DCLRE1C: variants seen among roughly 807,000 people sequenced by gnomAD.
DCLRE1C encodes DNA cross-link repair 1C.
In DCLRE1C, 47 loss-of-function variants were observed where a neutral mutation model predicts 61.4. The observed-to-expected ratio is 0.77, with a 90% CI of 0.61 to 0.98. The LOEUF (loss-of-function observed/expected upper bound fraction) is 0.98, where lower values mean the gene tolerates loss of function less well. DCLRE1C is among the 50% of genes least tolerant of loss of function. The pLI, the probability that DCLRE1C is intolerant of heterozygous loss-of-function variation, is 0.00. For synonymous variants in DCLRE1C, 337 were observed against 287.6 expected (o/e 1.17, Z -1.74); for missense variants, 858 against 816.0 (o/e 1.05, Z -0.63).
chr10:14,912,032 A>C (rs1835343806), intron 13 of DCLRE1C, among the ~76,000 whole-genome samples: 1 of 152,218 alleles, frequency 6.6e-6, no homozygotes, highest in African/African-American at 2.4e-5. Context: ...TTGGAGTGTT[A>C]AAACAGATTG....
intron 1 of DCLRE1C, among the ~76,000 whole-genome samples, chr10:14,951,062 T>C (rs545658428): frequency 8.5e-5 from 13 of 152,184 alleles, no homozygotes; most frequent in Admixed American, 5.2e-4. Context: ...GGTGGGTCCA[T>C]AGCCTACTCC....
rs779242343 is a variant in DCLRE1C at position 14,908,993 on chromosome 10, T to G, written c.1494A>C (p.Glu498Asp). The G allele has an allele frequency of 6.8e-6, 11 of 1,613,940 alleles. No homozygotes were observed. In the Admixed American group the frequency reaches 1.8e-4, roughly 27 times the overall value. The change falls in exon 14 of 14, where the codon GAA (glutamate) becomes GAC (aspartate). Residue 498 changes from glutamate to aspartate, a missense_variant. Physicochemically the swap from Glu to Asp is conservative, Grantham distance 45. Coordinates refer to ENST00000378278, the MANE Select transcript of DCLRE1C (RefSeq NM_001033855.3). ...AGTTTTCCAAACTCTCATCTGTGAT[T>G]TCATCATTTCTTTTAAAGAATACTT... ...QWEVFFKRND[E>D]ITDESLENFP... is the part of the protein sequence containing the mutation.
Position 14,908,427 on chromosome 10 carries a change from C to A in DCLRE1C, c.2060G>T (p.Cys687Phe), listed in dbSNP as rs1296890009. The change falls in exon 14 of 14, where the codon TGC becomes TTC. Residue 687 changes from cysteine to phenylalanine, a missense_variant. This residue lies in a region of DCLRE1C where 843 missense variants were observed against 783.5 expected (regional missense o/e 1.08). Transcript: ENST00000378278. ...GESIAVKKRK[C>F]SLLDT ...GAATTCTTAGGTATCTAAGAGTGAGCATTTTCTTTTTTTGACTGCTATACT... is the reference window on the plus strand; with the variant it reads ...GAATTCTTAGGTATCTAAGAGTGAGAATTTTCTTTTTTTGACTGCTATACT... 6.2e-7 allele frequency: 1 copy of A among 1,613,740 alleles called. No individual in the cohort carries two copies. Among genetic ancestry groups the A allele is most frequent in the Non-Finnish European group, 8.5e-7 (1 of 1,179,828 alleles).
At chr10:14,944,219 C>G (rs896666261) in intron 3 of DCLRE1C, among the ~76,000 whole-genome samples, 2 of 152,168 alleles carry the variant, frequency 1.3e-5, no homozygotes, top group South Asian at 4.1e-4. Flanking sequence ...ACCTGTAATT[C>G]CAACACTTTG....
rs546169653 is a variant in DCLRE1C, at chr10:14,904,882, A to T, written c.*3526T>A. Reference sequence around the variant, plus strand: ...TGAATCCACTGTATGTATTATATTGATACCATCATTTTCAGGATCTACATT... The same window carrying T: ...TGAATCCACTGTATGTATTATATTGTTACCATCATTTTCAGGATCTACATT... On this transcript the variant is annotated 3_prime_UTR_variant, in exon 14 of 14. Coordinates refer to ENST00000378278, the MANE Select transcript of DCLRE1C (RefSeq NM_001033855.3). Among the ~76,000 whole-genome samples, 7 of 152,346 alleles carry T rather than the reference A, an allele frequency of 4.6e-5. No homozygotes were observed. Among genetic ancestry groups the T allele is most frequent in the African/African-American group, 1.7e-4 (7 of 41,592 alleles).
intron 13 of DCLRE1C, among the ~76,000 whole-genome samples, chr10:14,913,931 C>A (rs963348739): frequency 6.6e-6 from 1 of 152,026 alleles, no homozygotes. Flanking sequence ...AGTTACACAG[C>A]CAATAACCCA....
downstream of DCLRE1C, chr10:14,903,027 A>G (rs950107623): frequency 1.3e-5 from 2 of 152,282 alleles, no homozygotes; most frequent in African/African-American, 4.8e-5. Flanking sequence ...CTACTTTTCC[A>G]TTAAAACATT....
intron 5 of DCLRE1C, 22 bp from the exon 6 acceptor site, chr10:14,935,586 G>A (rs994255438): frequency 5.0e-6 from 8 of 1,609,168 alleles, no homozygotes; most frequent in Non-Finnish European, 6.8e-6. Flanking sequence ...ATATATCCCA[G>A]TGACTTCTGA....
chr10:14,898,781 C>T (rs1445834760), exon 14 of DCLRE1C: 2 of 155,496 alleles, frequency 1.3e-5, no homozygotes, highest in African/African-American at 4.8e-5. Context: ...ATAACATATT[C>T]TACAAAAACA....
chr10:14,899,950 T>A (rs1256351839), downstream of DCLRE1C, among the ~76,000 whole-genome samples: 1 of 152,210 alleles, frequency 6.6e-6, no homozygotes, highest in Non-Finnish European at 1.5e-5. Flanking sequence ...CTAGTAACTT[T>A]GTACGGTAGG....
chr10:14,922,248 C>A (rs746131538), intron 12 of DCLRE1C, among the ~76,000 whole-genome samples: 2 of 152,108 alleles, frequency 1.3e-5, no homozygotes, highest in Non-Finnish European at 2.9e-5. Context: ...CGAGACCATC[C>A]TGGTCAACAT....
intron 8 of DCLRE1C, 56 bp from the exon 9 acceptor site, chr10:14,933,011 T>C (rs1839286056): frequency 2.6e-5 from 41 of 1,591,812 alleles, no homozygotes; most frequent in Non-Finnish European, 3.5e-5. Flanking sequence ...CTATAAATTG[T>C]TCAAGGTTAA....
At chr10:14,950,674 G>T (rs992994517) in intron 1 of DCLRE1C, among the ~76,000 whole-genome samples, 3 of 152,126 alleles carry the variant, frequency 2.0e-5, no homozygotes, top group Non-Finnish European at 1.5e-5. Flanking sequence ...AAGAGTTTGC[G>T]CCATGGCAAA....
At chr10:14,900,668 G>T (rs1833944746), downstream of DCLRE1C, among the ~76,000 whole-genome samples, 1 of 152,140 alleles carries the variant, frequency 6.6e-6, no homozygotes, top group South Asian at 2.1e-4. Context: ...GAAGAGTTTG[G>T]ACCAAAAATT....
At chr10:14,929,489 A>G (rs1838616839) in intron 9 of DCLRE1C, among the ~76,000 whole-genome samples, 1 of 151,118 alleles carries the variant, frequency 6.6e-6, no homozygotes, top group African/African-American at 2.4e-5. Flanking sequence ...AAAAAAATGT[A>G]AAAATTAGCC....
chr10:14,911,744 C>T (rs1407902593), intron 13 of DCLRE1C, among the ~76,000 whole-genome samples: 1 of 152,178 alleles, frequency 6.6e-6, no homozygotes. Flanking sequence ...ACTCTTACAA[C>T]TCAATACAAA....
Position 14,908,756 on chromosome 10 carries a change from G to C in DCLRE1C, c.1731C>G (p.Asp577Glu). Residue 577 changes from aspartate (D) to glutamate (E), a missense_variant, in exon 14 of 14, where the codon GAC becomes GAG. By Grantham distance (45) the Asp-to-Glu change is conservative (BLOSUM62 2). Around this residue, in one of 2 missense-constraint regions of DCLRE1C, gnomAD observed 843 missense variants for 783.5 expected, o/e 1.08. Coordinates refer to ENST00000378278, the MANE Select transcript of DCLRE1C (RefSeq NM_001033855.3). ...TATTCTCTTTGATTGTTGGTCTGTA[G>C]TCAGCTTTGTCCAAGGAAGTAATAT... ...SGDITSLDKA[D>E]YRPTIKENIP... The C allele has an allele frequency of 6.2e-7, 1 of 1,614,196 alleles. No individual in the cohort carries two copies. The highest frequency in any genetic ancestry group is 8.5e-7 in the Non-Finnish European group (1 of 1,180,026).
At chr10:14,902,461 C>A, downstream of DCLRE1C, 1 of 1,609,646 alleles carries the variant, frequency 6.2e-7, no homozygotes. Flanking sequence ...AAAAGAGGGT[C>A]AGAACAGTAT....
Position 14,908,382 on chromosome 10 carries a change from G to T in DCLRE1C, c.*26C>A. ...TCTCTGTGCAGGTTTTTTAGTGGTT[G>T]CTCTAGGTTGAAACGCTTTGAATTC... On this transcript the variant is annotated 3_prime_UTR_variant, in exon 14 of 14. Coordinates refer to ENST00000378278, the MANE Select transcript of DCLRE1C (RefSeq NM_001033855.3). 6.4e-7 allele frequency: 1 copy of T among 1,554,786 alleles called. No individual in the cohort carries two copies.
Sources: gnomAD v4.1 joint callset for allele counts (sites outside exome capture counted in the v4.1 genomes callset) on GRCh38, gnomAD v4.1.1 for gene constraint, gnomAD v4.1.1 regional missense constraint, MANE v1.5 for transcripts, NCBI Gene and HGNC (gene_info 2026-07-23, HGNC 2026-07-21) for gene names.